DCP1B: variants seen among roughly 807,000 people sequenced by gnomAD.
The protein encoded by DCP1B is decapping mRNA 1B.
A neutral mutation model predicts 60.5 loss-of-function variants in DCP1B; 47 were observed. That is an observed-to-expected ratio of 0.78 (90% CI 0.61 to 0.99). The LOEUF is 0.99. Among genes scored for constraint, DCP1B ranks in the 50% least tolerant of loss-of-function variants. The pLI, the probability that DCP1B is intolerant of heterozygous loss-of-function variation, is 0.00. For missense variants in DCP1B, 725 were observed against 756.8 expected, an observed-to-expected ratio of 0.96 and a Z score of 0.49; for synonymous variants, 267 against 280.3, an observed-to-expected ratio of 0.95 and a Z score of 0.47.
At chr12:1,990,351 C>T (rs2039040294) in intron 3 of DCP1B, among the ~76,000 whole-genome samples, 1 of 152,026 alleles carries the variant, frequency 6.6e-6, no homozygotes, top group Non-Finnish European at 1.5e-5. Context: ...CAGGTCAAAC[C>T]CCATTTTAAC....
intron 5 of DCP1B, among the ~76,000 whole-genome samples, chr12:1,960,152 T>G (rs746671572): frequency 6.6e-6 from 1 of 152,136 alleles, no homozygotes; most frequent in Non-Finnish European, 1.5e-5. Flanking sequence ...TGTTCATCAA[T>G]GAATGAATGG....
At chr12:1,968,445 T>C (rs1307952567) in intron 3 of DCP1B, among the ~76,000 whole-genome samples, 1 of 151,100 alleles carries the variant, frequency 6.6e-6, no homozygotes, top group African/African-American at 2.4e-5. Flanking sequence ...TTGAAGAAAC[T>C]GTGCTCCGCG....
chr12:1,967,838 AC>A lies in DCP1B; in HGVS notation c.386+5del, dbSNP rs1565769958. ...CCTGAAAAATATTTAGCCTTTTAGT[AC>A]TTACTTTTTCATAAGCTCTGCAATT... On this transcript the variant is annotated splice_donor_5th_base_variant and intron_variant, in intron 4 of 8. Coordinates refer to ENST00000280665, the MANE Select transcript of DCP1B (RefSeq NM_152640.5). 1 of 1,611,282 alleles carries A rather than the reference AC, an allele frequency of 6.2e-7. No individual in the cohort carries two copies. Among genetic ancestry groups the A allele is most frequent in the East Asian group, 2.2e-5 (1 of 44,752 alleles).
chr12:1,997,790 G>T, intron 2 of DCP1B, 145 bp downstream of exon 2: 1 of 675,672 alleles, frequency 1.5e-6, no homozygotes, highest in Non-Finnish European at 2.5e-6. Flanking sequence ...TCCCTTCTTC[G>T]TGTCAACTAA....
chr12:1,974,275 AC>A (rs2033565314), intron 3 of DCP1B, among the ~76,000 whole-genome samples: 1 of 152,160 alleles, frequency 6.6e-6, no homozygotes, highest in South Asian at 2.1e-4. Context: ...AATTGATTAC[AC>A]CTTCTACCAG....
chr12:2,004,005 C>A (rs1453300008), intron 1 of DCP1B, among the ~76,000 whole-genome samples: 1 of 152,148 alleles, frequency 6.6e-6, no homozygotes, highest in Non-Finnish European at 1.5e-5. Context: ...TTTCCTTCGG[C>A]TCTTATGGTG....
At position 1,971,490 on chromosome 12, in the gene DCP1B, G is replaced by A. The variant is rs749837466; in HGVS notation, c.320-3580C>T. Among the ~76,000 whole-genome samples, 9 of 152,256 alleles carry A rather than the reference G, an allele frequency of 5.9e-5. No individual in the cohort carries two copies. The highest frequency in any genetic ancestry group is 2.0e-4 in the Admixed American group (3 of 15,294). The stretch of plus-strand genomic sequence containing the variant: ...AATCTTTTACTTTCCTTTTAACTCC[G>A]TCAGTAAGATCAAGGAGATCAAAAT... On this transcript the variant is annotated intron_variant, in intron 3 of 8. Transcript: ENST00000280665. This position sits in a 1 kb window ranked among gnomAD's most constrained non-coding sequence, Gnocchi z 4.2.
intron 2 of DCP1B, among the ~76,000 whole-genome samples, chr12:1,994,507 A>G (rs750713549): frequency 4.6e-5 from 7 of 152,200 alleles, no homozygotes; most frequent in African/African-American, 7.2e-5. Context: ...GTAAGCATAC[A>G]ATCAATACCA....
At chr12:1,996,720 CT>C (rs1221590640) in intron 2 of DCP1B, among the ~76,000 whole-genome samples, 1 of 143,914 alleles carries the variant, frequency 6.9e-6, no homozygotes, top group Non-Finnish European at 1.5e-5. Context: ...TCAAAGCCAT[CT>C]TGGGCCACGT....
rs1297713620 is a variant in DCP1B, at chr12:1,952,820, G to A, written c.1120C>T (p.Pro374Ser). ...AGGGCAGCTGAGCTGGCAGGTGCTG[G>A]TGTACTAGGGTCACACTTGTTTGCT... ...GAANKCDPST[P>S]APASSAALNR... Residue 374 changes from proline (P) to serine (S), a missense_variant, in exon 7 of 9, where the codon CCA becomes TCA. Physicochemically the swap from Pro to Ser is moderately conservative, Grantham distance 74. Coordinates refer to ENST00000280665, the MANE Select transcript of DCP1B (RefSeq NM_152640.5). 1 of 1,614,186 alleles carries A rather than the reference G, an allele frequency of 6.2e-7. No homozygotes were observed. Among genetic ancestry groups the A allele is most frequent in the Non-Finnish European group, 8.5e-7 (1 of 1,180,030 alleles).
downstream of DCP1B, among the ~76,000 whole-genome samples, chr12:1,942,997 T>A (rs1280370863): frequency 6.6e-6 from 1 of 152,090 alleles, no homozygotes; most frequent in East Asian, 1.9e-4. Context: ...AAAAAATCAA[T>A]GAATCCAGGA....
rs552105275 is a variant in DCP1B at position 1,949,442 on chromosome 12, C to T, written c.1525-108G>A. 528 of 1,480,514 alleles carry T rather than the reference C, an allele frequency of 3.6e-4. 1 individual carries two copies. The African/African-American group carries it at 6.9e-3, about 19-fold the overall frequency. 91.7% of individuals were successfully genotyped at this position (1,480,514 alleles called of 1,614,324 possible). On this transcript the variant is annotated intron_variant, in intron 7 of 8. Transcript: ENST00000280665. ...CTAAGCATTCCCTGTCCACAGCTTT[C>T]CTAGCTGAGAAAAGTTTATGGGAAA...
chr12:1,969,595 CTA>C (rs2031726943), intron 3 of DCP1B, among the ~76,000 whole-genome samples: 1 of 143,280 alleles, frequency 7.0e-6, no homozygotes, highest in Non-Finnish European at 1.5e-5. Flanking sequence ...AGCCCATGTG[CTA>C]TGAGAGCTTT....
chr12:1,946,115 GAA>G lies in DCP1B; in HGVS notation c.*89_*90del. 1 of 1,029,290 alleles carries G rather than the reference GAA, an allele frequency of 9.7e-7. No individual in the cohort carries two copies. The highest frequency in any genetic ancestry group is 1.4e-6 in the Non-Finnish European group (1 of 727,862). 63.8% of individuals were successfully genotyped at this position (1,029,290 alleles called of 1,614,324 possible). A position where few individuals can be genotyped will look rare whatever the true frequency, so the allele number is the denominator to read the frequency against. On this transcript the variant is annotated 3_prime_UTR_variant, in exon 9 of 9. Coordinates refer to ENST00000280665, the MANE Select transcript of DCP1B (RefSeq NM_152640.5). ...ACATACTTTTTTTTTAAAAAAGGCA[GAA>G]ACATTGAAGGAAACAACACTCAACA...
intron 1 of DCP1B, among the ~76,000 whole-genome samples, chr12:1,998,243 T>C (rs2041399617): frequency 6.6e-6 from 1 of 152,228 alleles, no homozygotes; most frequent in Non-Finnish European, 1.5e-5. Context: ...GATAGCAGCA[T>C]ACCCTTAGCT....
At position 1,997,931 on chromosome 12, in the gene DCP1B, T is replaced by A. The variant is rs1436120413; in HGVS notation, c.191+4A>T. On this transcript the variant is annotated splice_donor_region_variant and intron_variant, in intron 2 of 8. Coordinates refer to ENST00000280665, the MANE Select transcript of DCP1B (RefSeq NM_152640.5). The stretch of plus-strand genomic sequence containing the variant: ...GTTTCTTTATAAAAGTGAAACACTC[T>A]TACCTTGTATAAACAAATAAGGTTC... 1 of 1,605,016 alleles carries A rather than the reference T, an allele frequency of 6.2e-7. No homozygotes were observed.
chr12:1,984,691 A>G (rs2037136400), intron 3 of DCP1B, among the ~76,000 whole-genome samples: 1 of 147,506 alleles, frequency 6.8e-6, no homozygotes, highest in Non-Finnish European at 1.5e-5. Context: ...TTCCTACTTC[A>G]TCCTGCAATT....
chr12:1,949,035 G>A, intron 8 of DCP1B, 51 bp downstream of exon 8: 1 of 1,585,604 alleles, frequency 6.3e-7, no homozygotes, highest in Non-Finnish European at 8.6e-7. Context: ...GTTGCAGCCA[G>A]GAGGCCAACA....
intron 3 of DCP1B, among the ~76,000 whole-genome samples, chr12:1,980,946 C>T (rs984782036): frequency 1.3e-5 from 2 of 151,852 alleles, no homozygotes; most frequent in African/African-American, 2.4e-5. Context: ...AGGAGACATC[C>T]ATAACAGTGC....
Sources: allele counts gnomAD v4.1 joint callset (sites outside exome capture counted in the v4.1 genomes callset), GRCh38; gene constraint gnomAD v4.1.1; non-coding constraint Gnocchi (gnomAD v3.1); transcripts MANE v1.5; gene names NCBI Gene and HGNC (gene_info 2026-07-23, HGNC 2026-07-21).